OPCML: variants seen among roughly 807,000 people sequenced by gnomAD.
OPCML encodes the protein opioid binding protein/cell adhesion molecule like.
OPCML carries 13 observed loss-of-function variants against 37.8 expected under a neutral mutation model. The ratio of observed to expected loss-of-function variants is 0.34; its 90% CI spans 0.22 to 0.55. OPCML has a LOEUF of 0.55. Ranked by LOEUF, OPCML falls within the 20% of genes least tolerant of loss-of-function variation. The pLI is 0.91. For missense variants in OPCML, 341 were observed against 435.6 expected, an observed-to-expected ratio of 0.78 and a Z score of 1.93; for synonymous variants, 176 against 168.8, an observed-to-expected ratio of 1.04 and a Z score of -0.33.
intron 1 of OPCML, among the ~76,000 whole-genome samples, chr11:133,403,131 C>T (rs763308267): frequency 2.4e-4 from 36 of 152,296 alleles, no homozygotes; most frequent in Non-Finnish European, 4.1e-4. Flanking sequence ...AAGTACAAAT[C>T]TGGGTCTCTA....
At chr11:132,810,962 C>G (rs1403870521) in intron 2 of OPCML, among the ~76,000 whole-genome samples, 2 of 152,150 alleles carry the variant, frequency 1.3e-5, no homozygotes, top group Non-Finnish European at 2.9e-5. Context: ...AACACATCCC[C>G]TTCTTGGGCA....
intron 1 of OPCML, among the ~76,000 whole-genome samples, chr11:133,378,002 TTGAGCTG>T (rs1236977145): frequency 5.9e-5 from 9 of 152,252 alleles, no homozygotes; most frequent in Non-Finnish European, 1.2e-4. Flanking sequence ...ATACGCCATA[TTGAGCTG>T]AAATCGGTCT....
chr11:133,281,018 C>T (rs1942136622), intron 1 of OPCML, among the ~76,000 whole-genome samples: 1 of 152,178 alleles, frequency 6.6e-6, no homozygotes, highest in Admixed American at 6.5e-5. Flanking sequence ...AGAGTTTCAA[C>T]AGAGGCACTG....
intron 1 of OPCML, among the ~76,000 whole-genome samples, chr11:133,135,656 G>T (rs1949678244): frequency 6.6e-6 from 1 of 152,008 alleles, no homozygotes; most frequent in Non-Finnish European, 1.5e-5. Context: ...TTAGAGTAGG[G>T]CAGAAGACTC....
At chr11:132,430,314 A>C (rs1287311171) in intron 7 of OPCML, among the ~76,000 whole-genome samples, 1 of 152,098 alleles carries the variant, frequency 6.6e-6, no homozygotes, top group Non-Finnish European at 1.5e-5. Context: ...GTGGGGGATA[A>C]GGCAGCGGCG....
chr11:132,736,108 C>T (rs1443775369), intron 2 of OPCML, among the ~76,000 whole-genome samples: 2 of 152,138 alleles, frequency 1.3e-5, no homozygotes, highest in African/African-American at 4.8e-5. Context: ...CTGTTGTCCT[C>T]TTTTTTGAAT....
intron 4 of OPCML, among the ~76,000 whole-genome samples, chr11:132,495,533 C>T (rs2096228482): frequency 6.6e-6 from 1 of 152,132 alleles, no homozygotes. Flanking sequence ...CAAGGATACC[C>T]TCACACAGGA....
chr11:133,082,752 G>A (rs1277928453), intron 1 of OPCML, among the ~76,000 whole-genome samples: 2 of 145,600 alleles, frequency 1.4e-5, no homozygotes, highest in East Asian at 4.2e-4. Flanking sequence ...CCGTCCCGCC[G>A]CTGCGGACCC....
intron 1 of OPCML, among the ~76,000 whole-genome samples, chr11:133,080,308 T>C (rs1259194890): frequency 2.0e-5 from 3 of 152,134 alleles, no homozygotes; most frequent in Non-Finnish European, 4.4e-5. Flanking sequence ...TCTGGGATGA[T>C]GCCTGGAACT....
At chr11:133,273,199 G>T (rs933938232) in intron 1 of OPCML, among the ~76,000 whole-genome samples, 6 of 152,258 alleles carry the variant, frequency 3.9e-5, no homozygotes, top group East Asian at 3.9e-4. Context: ...ATTCAAACCA[G>T]CACCTTCTCT....
chr11:133,284,077 AT>A (rs1273851990), intron 1 of OPCML, among the ~76,000 whole-genome samples: 2 of 152,158 alleles, frequency 1.3e-5, no homozygotes, highest in Non-Finnish European at 2.9e-5. Context: ...AGGTCAATAT[AT>A]TGAGCCGTGT....
chr11:132,441,165 G>GGTTTTTTTTTTTTTTTTT (rs2096031824), intron 4 of OPCML, among the ~76,000 whole-genome samples: 1 of 72,402 alleles, frequency 1.4e-5, no homozygotes, highest in African/African-American at 1.1e-4. Flanking sequence ...GGACTTTTTT[G>GGTTTTTTTTTTTTTTTTT]TTTTTTTTTT....
chr11:133,324,998 TATG>T (rs1364652578), intron 1 of OPCML, among the ~76,000 whole-genome samples: 3 of 152,198 alleles, frequency 2.0e-5, no homozygotes, highest in African/African-American at 7.2e-5. Context: ...TGACTGCATC[TATG>T]ATGAGGATTT....
intron 1 of OPCML, among the ~76,000 whole-genome samples, chr11:133,465,312 G>A (rs572188868): frequency 2.0e-4 from 31 of 152,206 alleles, no homozygotes; most frequent in African/African-American, 6.0e-4. Context: ...ATACCCAAGC[G>A]ATCTAGAGTA....
At chr11:132,421,603 C>A (rs1037018260) in intron 7 of OPCML, among the ~76,000 whole-genome samples, 9 of 152,178 alleles carry the variant, frequency 5.9e-5, no homozygotes, top group African/African-American at 2.2e-4. Flanking sequence ...AACATGAATA[C>A]CTTTTCTTTC....
intron 5 of OPCML, chr11:132,437,010 A>T (rs1324202788): frequency 2.3e-6 from 2 of 867,256 alleles, no homozygotes; most frequent in Admixed American, 1.2e-4. Flanking sequence ...CTCAGTTAAC[A>T]ATTCTCTCCA....
rs975812472 is a variant in OPCML at position 132,717,407 on chromosome 11, A to G, written c.147-60088T>C. On this transcript the variant is annotated intron_variant, in intron 2 of 7. Transcript: ENST00000524381. ...ACAGTTGTGTTTTAAGCAATATTTT[A>G]TAAGCTGAAAATGTCCACAGAAGAA... Among the ~76,000 whole-genome samples, 6 of 152,228 alleles carry G rather than the reference A, an allele frequency of 3.9e-5. No homozygotes were observed. The East Asian group carries it at 9.6e-4, about 24-fold the overall frequency.
intron 3 of OPCML, among the ~76,000 whole-genome samples, chr11:132,558,558 G>T (rs1180951989): frequency 7.3e-6 from 1 of 137,634 alleles, no homozygotes; most frequent in African/African-American, 2.8e-5. Flanking sequence ...TCTTCTTGTG[G>T]ATATTAAGCC....
chr11:132,626,920 AG>A (rs1187304443), intron 3 of OPCML, among the ~76,000 whole-genome samples: 8 of 148,562 alleles, frequency 5.4e-5, no homozygotes, highest in African/African-American at 1.7e-4. Flanking sequence ...ACATATATAA[AG>A]CTTTATATAT....
Sources: gnomAD v4.1 joint callset for allele counts (sites outside exome capture counted in the v4.1 genomes callset) on GRCh38, gnomAD v4.1.1 for gene constraint, MANE v1.5 for transcripts, NCBI Gene and HGNC (gene_info 2026-07-23, HGNC 2026-07-21) for gene names.